ASH1L: variants seen among roughly 807,000 people sequenced by gnomAD.
The protein encoded by ASH1L is histone-lysine N-methyltransferase ASH1L.
In ASH1L, 23 loss-of-function variants were observed where a neutral mutation model predicts 269.0. The observed-to-expected ratio is 0.09, with a 90% CI of 0.06 to 0.12. The LOEUF (loss-of-function observed/expected upper bound fraction) is 0.12. ASH1L is among the 10% of genes least tolerant of loss of function. The probability of loss-of-function intolerance (pLI) is 1.00; values close to 1 mark genes in which losing one functional copy is unlikely to be tolerated. For synonymous variants in ASH1L, 1,187 were observed against 1,253.5 expected (o/e 0.95, Z 1.12); for missense variants, 2,912 against 3,567.8 (o/e 0.82, Z 4.68).
intron 2 of ASH1L, among the ~76,000 whole-genome samples, chr1:155,519,156 T>A (rs1024262603): frequency 3.9e-5 from 6 of 152,120 alleles, no homozygotes; most frequent in African/African-American, 1.4e-4. Flanking sequence ...AAATGGTGGC[T>A]GGGTGTGGTG....
intron 20 of ASH1L, among the ~76,000 whole-genome samples, chr1:155,347,453 G>C (rs935248440): frequency 2.0e-5 from 3 of 151,686 alleles, no homozygotes; most frequent in Admixed American, 6.6e-5. Flanking sequence ...GAGAAGGAAA[G>C]AAAAAGAAGG....
intron 1 of ASH1L, among the ~76,000 whole-genome samples, chr1:155,532,874 T>C (rs1429894318): frequency 1.3e-5 from 2 of 148,854 alleles, no homozygotes; most frequent in Non-Finnish European, 3.0e-5. Flanking sequence ...TATATGTGTA[T>C]ATATATGTAT....
chr1:155,459,901 GGAGAAA>G lies in ASH1L; in HGVS notation c.4985-9_4985-4del. 6.4e-7 allele frequency: 1 copy of G among 1,572,494 alleles called. No individual in the cohort carries two copies. ...TTTATCAGAGGTTGGCTGGGAGCCTGGAGAAAGAGAAAAAGATAGAAATCATAGGAA... is the reference window on the plus strand; with the variant it reads ...TTTATCAGAGGTTGGCTGGGAGCCTGGAGAAAAAGATAGAAATCATAGGAA... On this transcript the variant is annotated splice_region_variant and splice_polypyrimidine_tract_variant and intron_variant, in intron 3 of 27. Coordinates refer to ENST00000392403, the MANE Select transcript of ASH1L (RefSeq NM_018489.3).
At chr1:155,465,130 T>C (rs1664577793) in intron 3 of ASH1L, among the ~76,000 whole-genome samples, 1 of 151,996 alleles carries the variant, frequency 6.6e-6, no homozygotes, top group Non-Finnish European at 1.5e-5. Flanking sequence ...CAGGCAAAGA[T>C]AGCAGAATAG....
intron 6 of ASH1L, among the ~76,000 whole-genome samples, chr1:155,414,671 T>C (rs1417113549): frequency 8.5e-5 from 13 of 152,314 alleles, no homozygotes; most frequent in Non-Finnish European, 2.9e-5. Flanking sequence ...TTCCTCATCA[T>C]ATAATGCTTA....
chr1:155,519,950 C>T (rs998030009), intron 2 of ASH1L, among the ~76,000 whole-genome samples: 1 of 152,088 alleles, frequency 6.6e-6, no homozygotes, highest in Non-Finnish European at 1.5e-5. Context: ...TGAGCTACCA[C>T]GCCCGGCAAG....
intron 1 of ASH1L, among the ~76,000 whole-genome samples, chr1:155,535,419 T>C (rs760377819): frequency 6.6e-5 from 10 of 152,064 alleles, no homozygotes; most frequent in Non-Finnish European, 1.3e-4. Flanking sequence ...TTTTCCTTTG[T>C]GATCTTTATT....
chr1:155,370,388 G>T, intron 12 of ASH1L, 116 bp downstream of exon 12: 1 of 1,356,398 alleles, frequency 7.4e-7, no homozygotes, highest in Non-Finnish European at 1.0e-6. Context: ...CTGGGGTAAT[G>T]GGGAACAGCC....
intron 15 of ASH1L, among the ~76,000 whole-genome samples, chr1:155,355,623 C>T (rs1341322571): frequency 6.6e-6 from 1 of 152,170 alleles, no homozygotes; most frequent in Non-Finnish European, 1.5e-5. Context: ...TAGGGTGTGG[C>T]CTGGGCCTTG....
At chr1:155,474,734 T>C (rs1665401048) in intron 3 of ASH1L, among the ~76,000 whole-genome samples, 1 of 152,074 alleles carries the variant, frequency 6.6e-6, no homozygotes, top group Non-Finnish European at 1.5e-5. Flanking sequence ...TGTTCTCCTC[T>C]AAATCTGCTC....
In ASH1L at chr1:155,438,743, T is replaced by C; in HGVS notation, c.5412A>G (p.Gln1804=). The C allele has an allele frequency of 6.2e-7, 1 of 1,614,142 alleles. No individual in the cohort carries two copies. Among genetic ancestry groups the C allele is most frequent in the Non-Finnish European group, 8.5e-7 (1 of 1,180,014 alleles). The change falls in exon 5 of 28, where the codon CAA becomes CAG. Residue 1804 remains glutamine (Q), a synonymous_variant. Transcript: ENST00000392403. Reference sequence around the variant, plus strand: ...AATTGCACATTTTCCGAGCTTGGCGTTGCATAGCTTCCACTACACTTCTCT... The same window carrying C: ...AATTGCACATTTTCCGAGCTTGGCGCTGCATAGCTTCCACTACACTTCTCT... ...HIKRSVVEAM[Q]RQARKMCNYD... is the part of the protein sequence containing the mutation.
intron 2 of ASH1L, among the ~76,000 whole-genome samples, chr1:155,514,853 T>G (rs993461157): frequency 6.6e-6 from 1 of 151,726 alleles, no homozygotes; most frequent in African/African-American, 2.4e-5. Flanking sequence ...GCCGAGGAAC[T>G]CGGCAACTTC....
intron 5 of ASH1L, among the ~76,000 whole-genome samples, chr1:155,432,875 A>G (rs1661711229): frequency 1.3e-5 from 2 of 152,156 alleles, no homozygotes; most frequent in South Asian, 4.1e-4. Context: ...AGCTGGGACC[A>G]CAGGCGTGCA....
intron 13 of ASH1L, among the ~76,000 whole-genome samples, chr1:155,359,252 T>A (rs1654720036): frequency 6.6e-6 from 1 of 152,142 alleles, no homozygotes; most frequent in African/African-American, 2.4e-5. Context: ...AGGTATGCAC[T>A]ACTGTGCCCA....
intron 2 of ASH1L, among the ~76,000 whole-genome samples, chr1:155,509,596 C>T (rs1039849177): frequency 7.9e-5 from 12 of 152,024 alleles, no homozygotes; most frequent in Admixed American, 2.6e-4. Flanking sequence ...GTTAGGAGTT[C>T]GAGACCAGCC....
At chr1:155,355,916 T>G (rs1361429162) in intron 15 of ASH1L, among the ~76,000 whole-genome samples, 1 of 121,962 alleles carries the variant, frequency 8.2e-6, no homozygotes, top group Admixed American at 8.1e-5. Context: ...AGGTATTCTG[T>G]TTTTTTTTTT....
At chr1:155,470,695 G>C (rs1447019254) in intron 3 of ASH1L, among the ~76,000 whole-genome samples, 2 of 151,860 alleles carry the variant, frequency 1.3e-5, no homozygotes, top group Non-Finnish European at 1.5e-5. Flanking sequence ...GGGACTACAG[G>C]CATGTGCCAC....
chr1:155,380,860 G>C (rs1256240319), intron 7 of ASH1L, among the ~76,000 whole-genome samples: 1 of 149,908 alleles, frequency 6.7e-6, no homozygotes, highest in African/African-American at 2.5e-5. Context: ...GGCTGGTCTT[G>C]AACTCCTGAC....
chr1:155,487,011 C>T (rs1239654786), intron 2 of ASH1L, among the ~76,000 whole-genome samples: 3 of 151,998 alleles, frequency 2.0e-5, no homozygotes, highest in Non-Finnish European at 2.9e-5. Context: ...AATGAAAATA[C>T]AAAATTAGCC....
Sources: gnomAD v4.1 joint callset for allele counts (sites outside exome capture counted in the v4.1 genomes callset) on GRCh38, gnomAD v4.1.1 for gene constraint, MANE v1.5 for transcripts, NCBI Gene and HGNC (gene_info 2026-07-23, HGNC 2026-07-21) for gene names.